Variants in RIN2 observed in about 807,000 individuals in gnomAD.
The protein encoded by RIN2 is RAB5 interacting protein 2.
Under a neutral mutation model 78.0 loss-of-function variants are expected in RIN2, and 36 were observed. The ratio of observed to expected loss-of-function variants is 0.46; its 90% CI spans 0.35 to 0.61. The LOEUF is 0.61. RIN2 is among the 20% of genes least tolerant of loss of function. The probability of loss-of-function intolerance (pLI) is 0.00; values close to 1 mark genes in which losing one functional copy is unlikely to be tolerated. For synonymous variants in RIN2, 466 were observed against 466.8 expected (o/e 1.00, Z 0.02); for missense variants, 1,087 against 1,159.7 (o/e 0.94, Z 0.91).
At chr20:19,977,196 G>C (rs929605741) in intron 9 of RIN2, among the ~76,000 whole-genome samples, 28 of 152,130 alleles carry the variant, frequency 1.8e-4, no homozygotes, top group Admixed American at 3.3e-4. Flanking sequence ...GGGTCAGAGG[G>C]GGGTGCAGCC....
Position 19,966,724 on chromosome 20 carries a change from C to T in RIN2, c.536+1700C>T, listed in dbSNP as rs1028248137. 7.9e-5 allele frequency among the ~76,000 whole-genome samples: 12 copies of T among 152,122 alleles called. No individual in the cohort carries two copies. The East Asian group carries it at 1.5e-3, about 20-fold the overall frequency. On this transcript the variant is annotated intron_variant, in intron 7 of 12. Transcript: ENST00000255006. Reference sequence around the variant, plus strand: ...AGGCACTTCCAGAGGAGGAATTCAGCGCTGCTCACCAGCAGGAAGAAAATG... The same window carrying T: ...AGGCACTTCCAGAGGAGGAATTCAGTGCTGCTCACCAGCAGGAAGAAAATG...
intron 3 of RIN2, among the ~76,000 whole-genome samples, chr20:19,906,934 G>A (rs546235479): frequency 8.5e-5 from 13 of 152,202 alleles, no homozygotes; most frequent in East Asian, 5.8e-4. Context: ...GTTTTCTGCC[G>A]CTAAAACAGA....
At chr20:19,971,732 G>A (rs917333341) in intron 8 of RIN2, among the ~76,000 whole-genome samples, 11 of 116,212 alleles carry the variant, frequency 9.5e-5, no homozygotes, top group African/African-American at 3.5e-4. Flanking sequence ...TGCTGAAACT[G>A]CAATTTTTTT....
At chr20:19,762,264 C>G (rs1431864254) in intron 1 of RIN2, among the ~76,000 whole-genome samples, 1 of 152,154 alleles carries the variant, frequency 6.6e-6, no homozygotes, top group African/African-American at 2.4e-5. Context: ...GCACCTTCCA[C>G]AGACCAGTAA....
intron 2 of RIN2, among the ~76,000 whole-genome samples, chr20:19,832,429 G>A (rs1397814963): frequency 6.7e-6 from 1 of 149,604 alleles, no homozygotes; most frequent in Non-Finnish European, 1.5e-5. Flanking sequence ...TCCCTCCCAG[G>A]GCTAATTTTT....
intron 6 of RIN2, among the ~76,000 whole-genome samples, chr20:19,963,322 A>T (rs2041826556): frequency 6.6e-6 from 1 of 152,150 alleles, no homozygotes; most frequent in African/African-American, 2.4e-5. Flanking sequence ...AATACAAAAA[A>T]GCGAAGAAGC....
chr20:19,989,025 A>T (rs1037785004), intron 9 of RIN2, among the ~76,000 whole-genome samples: 1 of 152,180 alleles, frequency 6.6e-6, no homozygotes, highest in South Asian at 2.1e-4. Flanking sequence ...CAGACATTAT[A>T]TCCCTTTACC....
Position 19,956,816 on chromosome 20 carries a change from C to G in RIN2, c.351+9C>G, listed in dbSNP as rs748023945. On this transcript the variant is annotated intron_variant, in intron 5 of 12. Coordinates refer to ENST00000255006, the MANE Select transcript of RIN2 (RefSeq NM_018993.4). ...AGGCCCAGCCTCCGGGGGTAAGACT[C>G]AGAACCTCGGGAAGCAGGTTGAAGC... The G allele has an allele frequency of 2.6e-6, 4 of 1,548,728 alleles. No individual in the cohort carries two copies. The highest frequency in any genetic ancestry group is 3.5e-6 in the Non-Finnish European group (4 of 1,144,184).
chr20:19,935,633 CA>C, intron 4 of RIN2: 2 of 989,226 alleles, frequency 2.0e-6, no homozygotes, highest in Non-Finnish European at 2.4e-6. Flanking sequence ...CAGCAGTCTC[CA>C]AAAAACCATT....
intron 1 of RIN2, among the ~76,000 whole-genome samples, chr20:19,778,521 A>C (rs2034390494): frequency 6.6e-6 from 1 of 152,206 alleles, no homozygotes; most frequent in Non-Finnish European, 1.5e-5. Flanking sequence ...AGTTAAGTGA[A>C]CTGGTCCCAA....
intron 3 of RIN2, among the ~76,000 whole-genome samples, chr20:19,892,823 A>G (rs1165081402): frequency 6.6e-6 from 1 of 152,156 alleles, no homozygotes; most frequent in African/African-American, 2.4e-5. Flanking sequence ...TTCATTTGTA[A>G]CAAGCTGGAG....
At chr20:19,851,790 G>T (rs2036990062) in intron 2 of RIN2, among the ~76,000 whole-genome samples, 1 of 152,174 alleles carries the variant, frequency 6.6e-6, no homozygotes, top group Non-Finnish European at 1.5e-5. Context: ...CAGCTGCCAT[G>T]AGACCGGCTG....
intron 2 of RIN2, among the ~76,000 whole-genome samples, chr20:19,810,810 C>G (rs1047607034): frequency 6.7e-6 from 1 of 149,306 alleles, no homozygotes; most frequent in African/African-American, 2.5e-5. Flanking sequence ...TCTCCCGCCT[C>G]AGCCTCCCAA....
At chr20:19,900,502 C>T (rs6035471) in intron 3 of RIN2, among the ~76,000 whole-genome samples, 19,752 of 149,660 alleles carry the variant, frequency 0.13, 1,757 homozygotes, top group African/African-American at 0.26. Flanking sequence ...TAAAAACCGT[C>T]CTAAAGTCAG....
chr20:19,889,719 G>C, intron 3 of RIN2, 61 bp downstream of exon 3: 3 of 1,300,316 alleles, frequency 2.3e-6, no homozygotes, highest in South Asian at 1.6e-5. Flanking sequence ...CCTGGGAGCT[G>C]CGGTGCTCCA....
intron 5 of RIN2, among the ~76,000 whole-genome samples, chr20:19,960,343 G>T (rs2041698780): frequency 6.6e-6 from 1 of 152,192 alleles, no homozygotes; most frequent in Non-Finnish European, 1.5e-5. Flanking sequence ...CACCAACCAA[G>T]ATATATAAGA....
intron 4 of RIN2, among the ~76,000 whole-genome samples, chr20:19,945,507 C>T (rs2041055037): frequency 6.6e-6 from 1 of 152,164 alleles, no homozygotes; most frequent in African/African-American, 2.4e-5. Flanking sequence ...CTCCTGCACT[C>T]AGCAGGCCAC....
At chr20:19,874,449 T>C (rs1057358601) in intron 2 of RIN2, among the ~76,000 whole-genome samples, 2 of 152,172 alleles carry the variant, frequency 1.3e-5, no homozygotes, top group African/African-American at 4.8e-5. Context: ...AGTACAACAA[T>C]TGATTGTGGC....
chr20:19,791,458 T>C (rs1281538560), intron 1 of RIN2, among the ~76,000 whole-genome samples: 1 of 152,188 alleles, frequency 6.6e-6, no homozygotes, highest in African/African-American at 2.4e-5. Flanking sequence ...TTTGAAAGAA[T>C]ACCTGATCCA....
Sources: gnomAD v4.1 joint callset for allele counts (sites outside exome capture counted in the v4.1 genomes callset) on GRCh38, gnomAD v4.1.1 for gene constraint, MANE v1.5 for transcripts, NCBI Gene and HGNC (gene_info 2026-07-23, HGNC 2026-07-21) for gene names.